The following PARD3 variants were observed in gnomAD, a reference collection of about 807,000 sequenced individuals.
The protein encoded by PARD3 is partitioning defective 3 homolog.
A neutral mutation model predicts 155.4 loss-of-function variants in PARD3; 75 were observed. The ratio of observed to expected loss-of-function variants is 0.48; its 90% CI spans 0.40 to 0.58. PARD3 has a LOEUF of 0.58. Ranked by LOEUF, PARD3 falls within the 20% of genes least tolerant of loss-of-function variation. The probability of loss-of-function intolerance (pLI) is 0.00; values close to 1 mark genes in which losing one functional copy is unlikely to be tolerated. For synonymous variants in PARD3, 576 were observed against 610.5 expected (o/e 0.94, Z 0.83); for missense variants, 1,642 against 1,721.7 (o/e 0.95, Z 0.82).
chr10:34,808,331 G>A (rs1010096931), intron 1 of PARD3, among the ~76,000 whole-genome samples: 3 of 147,948 alleles, frequency 2.0e-5, no homozygotes, highest in African/African-American at 7.7e-5. Context: ...AAGAAAGAAA[G>A]AAAAAACTTG....
In PARD3 at chr10:34,284,248, G is replaced by C; in HGVS notation, c.3066-3C>G. The stretch of plus-strand genomic sequence containing the variant: ...CATCTTTTCGATGTTTGCCAAACCT[G>C]TTAATAACAAAAAATTCTAACTTGT... On this transcript the variant is annotated splice_region_variant and splice_polypyrimidine_tract_variant and intron_variant, in intron 20 of 24. Transcript: ENST00000374788. 1 of 1,569,866 alleles carries C rather than the reference G, an allele frequency of 6.4e-7. No individual in the cohort carries two copies. Among genetic ancestry groups the C allele is most frequent in the Non-Finnish European group, 8.7e-7 (1 of 1,147,126 alleles).
intron 21 of PARD3, among the ~76,000 whole-genome samples, chr10:34,282,174 A>T (rs1041411261): frequency 1.3e-5 from 2 of 149,898 alleles, no homozygotes; most frequent in Non-Finnish European, 3.0e-5. Flanking sequence ...CAAAATCCAT[A>T]AGTTTAAATA....
At chr10:34,443,478 G>A (rs750793592) in intron 5 of PARD3, among the ~76,000 whole-genome samples, 9 of 152,130 alleles carry the variant, frequency 5.9e-5, no homozygotes, top group Non-Finnish European at 1.2e-4. Context: ...AGTTCCATGC[G>A]GCTAGGGAGG....
intron 5 of PARD3, among the ~76,000 whole-genome samples, chr10:34,441,785 T>G (rs2076476256): frequency 6.6e-6 from 1 of 152,156 alleles, no homozygotes. Flanking sequence ...TTGATCATTG[T>G]TTTTTTAAAA....
intron 1 of PARD3, among the ~76,000 whole-genome samples, chr10:34,739,693 A>T (rs570870417): frequency 7.6e-4 from 116 of 152,308 alleles, no homozygotes; most frequent in Middle Eastern, 3.4e-3. Flanking sequence ...ATGAATCAAA[A>T]GATCCTCACA....
chr10:34,392,090 T>C (rs1238119227), intron 7 of PARD3, among the ~76,000 whole-genome samples: 1 of 151,992 alleles, frequency 6.6e-6, no homozygotes, highest in African/African-American at 2.4e-5. Context: ...CTGGAGATCC[T>C]GCCACCGTAC....
At chr10:34,535,460 G>C (rs910301347) in intron 2 of PARD3, among the ~76,000 whole-genome samples, 2 of 152,078 alleles carry the variant, frequency 1.3e-5, no homozygotes, top group South Asian at 2.1e-4. Flanking sequence ...AATTAAAACA[G>C]AGCAATATTA....
chr10:34,324,488 C>T (rs183715076), intron 19 of PARD3, among the ~76,000 whole-genome samples: 1 of 152,234 alleles, frequency 6.6e-6, no homozygotes, highest in Admixed American at 6.5e-5. Context: ...GAAGTGTGCA[C>T]CGCATGGCAC....
At chr10:34,341,353 A>G (rs1836810520) in intron 16 of PARD3, among the ~76,000 whole-genome samples, 1 of 152,212 alleles carries the variant, frequency 6.6e-6, no homozygotes, top group Admixed American at 6.5e-5. Flanking sequence ...AATAAATCAT[A>G]AAGTGAAAGT....
chr10:34,787,292 T>C (rs1253840347), intron 1 of PARD3, among the ~76,000 whole-genome samples: 2 of 152,066 alleles, frequency 1.3e-5, no homozygotes, highest in African/African-American at 4.8e-5. Context: ...GGCAGGAGAA[T>C]TGCTTGAACC....
At chr10:34,216,495 G>A (rs984591012) in intron 22 of PARD3, among the ~76,000 whole-genome samples, 5 of 152,140 alleles carry the variant, frequency 3.3e-5, no homozygotes, top group Non-Finnish European at 5.9e-5. Flanking sequence ...CCAGGACACT[G>A]TGTTATTGTA....
At chr10:34,723,336 G>T (rs1160153235) in intron 1 of PARD3, among the ~76,000 whole-genome samples, 1 of 152,122 alleles carries the variant, frequency 6.6e-6, no homozygotes, top group Non-Finnish European at 1.5e-5. Context: ...AAGGTTAGAG[G>T]ATGCCTTTGA....
intron 22 of PARD3, among the ~76,000 whole-genome samples, chr10:34,207,379 T>C (rs186897945): frequency 1.5e-3 from 236 of 152,280 alleles, no homozygotes; most frequent in African/African-American, 5.2e-3. Context: ...GCTGATTTCC[T>C]ACATCTCTCA....
chr10:34,140,353 G>A (rs1948120716), intron 22 of PARD3, among the ~76,000 whole-genome samples: 1 of 152,188 alleles, frequency 6.6e-6, no homozygotes, highest in South Asian at 2.1e-4. Flanking sequence ...GTAAATTGAT[G>A]TCACCCCCTG....
At chr10:34,768,159 A>G (rs1838359973) in intron 1 of PARD3, among the ~76,000 whole-genome samples, 1 of 152,182 alleles carries the variant, frequency 6.6e-6, no homozygotes, top group Non-Finnish European at 1.5e-5. Context: ...CAAAAATCTG[A>G]GACAGATCTC....
chr10:34,344,597 T>C, intron 15 of PARD3: 1 of 985,380 alleles, frequency 1.0e-6, no homozygotes, highest in Non-Finnish European at 1.2e-6. Context: ...GTTGCTGTTT[T>C]TTATTGTTAG....
chr10:34,466,396 A>C (rs1181896134), intron 4 of PARD3, among the ~76,000 whole-genome samples: 2 of 152,156 alleles, frequency 1.3e-5, no homozygotes, highest in Non-Finnish European at 2.9e-5. Flanking sequence ...CAAAGGAGAG[A>C]GTTTGACATG....
At chr10:34,138,100 C>G (rs1947996814) in intron 22 of PARD3, among the ~76,000 whole-genome samples, 1 of 152,164 alleles carries the variant, frequency 6.6e-6, no homozygotes, top group African/African-American at 2.4e-5. Context: ...GTTGCAAAAG[C>G]ATGTTGTTAG....
chr10:34,387,276 T>A (rs1025063871), intron 7 of PARD3, among the ~76,000 whole-genome samples: 3 of 152,202 alleles, frequency 2.0e-5, no homozygotes, highest in East Asian at 1.9e-4. Context: ...TTACAAAAAA[T>A]ATATATATAA....
Sources: allele counts gnomAD v4.1 joint callset (sites outside exome capture counted in the v4.1 genomes callset), GRCh38; gene constraint gnomAD v4.1.1; transcripts MANE v1.5; gene names NCBI Gene and HGNC (gene_info 2026-07-23, HGNC 2026-07-21).